The following HDAC9 variants were observed in gnomAD, a reference collection of about 807,000 sequenced individuals.
The protein encoded by HDAC9 is MEF-2 interacting transcription repressor (MITR) protein.
Under a neutral mutation model 139.4 loss-of-function variants are expected in HDAC9, and 41 were observed. The ratio of observed to expected loss-of-function variants is 0.29; its 90% CI spans 0.23 to 0.38. The LOEUF (loss-of-function observed/expected upper bound fraction) is 0.38, where lower values mean the gene tolerates loss of function less well. Ranked by LOEUF, HDAC9 falls within the 10% of genes least tolerant of loss-of-function variation. HDAC9 has a pLI of 1.00. For missense variants in HDAC9, 1,147 were observed against 1,297.0 expected, an observed-to-expected ratio of 0.88 and a Z score of 1.78; for synonymous variants, 517 against 476.2, an observed-to-expected ratio of 1.09 and a Z score of -1.12.
chr7:18,168,581 T>A (rs550143438), intron 2 of HDAC9, among the ~76,000 whole-genome samples: 1 of 152,100 alleles, frequency 6.6e-6, no homozygotes, highest in Non-Finnish European at 1.5e-5. Context: ...TGTGTGTGTG[T>A]GTGTACGTGT....
intron 14 of HDAC9, among the ~76,000 whole-genome samples, chr7:18,750,252 A>G (rs1028045153): frequency 2.0e-5 from 3 of 152,174 alleles, no homozygotes; most frequent in Admixed American, 6.6e-5. Context: ...TTCTATGGAT[A>G]AAAAAATTTT....
chr7:18,911,132 T>C (rs138313499), intron 22 of HDAC9, among the ~76,000 whole-genome samples: 4 of 151,622 alleles, frequency 2.6e-5, no homozygotes, highest in African/African-American at 9.6e-5. Flanking sequence ...TGTTATTTGT[T>C]ATTGGTCTGT....
chr7:18,846,637 A>G (rs1263579480), intron 21 of HDAC9, among the ~76,000 whole-genome samples: 2 of 152,194 alleles, frequency 1.3e-5, no homozygotes, highest in Non-Finnish European at 2.9e-5. Flanking sequence ...CCCTATTTCC[A>G]ACAGTATTCT....
intron 1 of HDAC9, among the ~76,000 whole-genome samples, chr7:18,456,075 C>T (rs1563006183): frequency 6.6e-6 from 1 of 152,132 alleles, no homozygotes. Context: ...TGACATATTA[C>T]ATAAATAGGG....
intron 24 of HDAC9, among the ~76,000 whole-genome samples, chr7:18,964,385 G>T (rs926723505): frequency 6.6e-6 from 1 of 151,956 alleles, no homozygotes; most frequent in Non-Finnish European, 1.5e-5. Flanking sequence ...TTCATAGAAT[G>T]CAGTACGTTC....
intron 2 of HDAC9, among the ~76,000 whole-genome samples, chr7:18,261,611 A>G (rs908361436): frequency 6.6e-6 from 1 of 152,206 alleles, no homozygotes; most frequent in Non-Finnish European, 1.5e-5. Context: ...GTGAGATGCA[A>G]TATAAAGTAC....
intron 16 of HDAC9, among the ~76,000 whole-genome samples, chr7:18,776,659 T>G (rs1790792912): frequency 6.6e-6 from 1 of 151,966 alleles, no homozygotes; most frequent in African/African-American, 2.4e-5. Context: ...CTTGTAGTGT[T>G]GGGGCAGAGA....
intron 21 of HDAC9, among the ~76,000 whole-genome samples, chr7:18,868,997 A>C (rs761686834): frequency 5.3e-5 from 8 of 152,102 alleles, no homozygotes; most frequent in Non-Finnish European, 1.0e-4. Flanking sequence ...GCATCTCTTC[A>C]TTTGTAGCCT....
At chr7:18,274,452 A>G (rs1209743642) in intron 2 of HDAC9, among the ~76,000 whole-genome samples, 1 of 152,138 alleles carries the variant, frequency 6.6e-6, no homozygotes, top group East Asian at 1.9e-4. Context: ...CATTCTTGAA[A>G]GGCCAAGAAC....
chr7:18,796,117 A>T (rs1436625907), intron 17 of HDAC9, among the ~76,000 whole-genome samples: 1 of 152,208 alleles, frequency 6.6e-6, no homozygotes, highest in Admixed American at 6.5e-5. Context: ...GATTGCACTA[A>T]TTTTTCTTGG....
rs1036351674 is a variant in HDAC9 at position 18,829,040 on chromosome 7, G to C, written c.2323-121G>C. 9.3e-6 allele frequency: 7 copies of C among 750,520 alleles called. No homozygotes were observed. In the East Asian group the frequency reaches 1.2e-4, roughly 13 times the overall value. The allele number at this position is 750,520 out of a possible 1,614,324, so 46.5% of individuals were successfully genotyped here. On this transcript the variant is annotated intron_variant, in intron 17 of 25. Coordinates refer to ENST00000686413, the MANE Select transcript of HDAC9 (RefSeq NM_178425.4). The stretch of plus-strand genomic sequence containing the variant: ...GGGGAACAAAAACAATCTCGGAAGC[G>C]TATGAGACTTCAGTTTTGTGTGTGT...
At chr7:18,604,591 G>A (rs1032301085) in intron 6 of HDAC9, among the ~76,000 whole-genome samples, 19 of 151,498 alleles carry the variant, frequency 1.3e-4, no homozygotes, top group Non-Finnish European at 1.6e-4. Context: ...TAGTAGAGAC[G>A]GGTTTCACCA....
At chr7:18,963,546 G>C (rs1783662880) in intron 24 of HDAC9, among the ~76,000 whole-genome samples, 1 of 152,172 alleles carries the variant, frequency 6.6e-6, no homozygotes, top group African/African-American at 2.4e-5. Context: ...AGACTTATTT[G>C]TGGAGTTAAA....
chr7:18,331,699 C>G (rs527595267), intron 1 of HDAC9, among the ~76,000 whole-genome samples: 15 of 151,684 alleles, frequency 9.9e-5, no homozygotes, highest in African/African-American at 3.6e-4. Flanking sequence ...TAATGATTAT[C>G]TTAAGTATAC....
intron 22 of HDAC9, among the ~76,000 whole-genome samples, chr7:18,894,880 C>T (rs547729392): frequency 2.0e-5 from 3 of 152,176 alleles, no homozygotes; most frequent in Non-Finnish European, 4.4e-5. Flanking sequence ...AATTTATCCA[C>T]AGGAGCAGTT....
chr7:18,392,313 T>TCACACACACA (rs772738821), intron 1 of HDAC9, among the ~76,000 whole-genome samples: 39 of 111,224 alleles, frequency 3.5e-4, no homozygotes, highest in African/African-American at 1.3e-3. Flanking sequence ...TCTCTCTCTC[T>TCACACACACA]CTCACACACA....
At chr7:18,854,646 C>G (rs1160476113) in intron 21 of HDAC9, among the ~76,000 whole-genome samples, 1 of 151,376 alleles carries the variant, frequency 6.6e-6, no homozygotes, top group Non-Finnish European at 1.5e-5. Context: ...CTACTCTAGT[C>G]TAGTATGGGA....
At chr7:18,325,987 A>G (rs930330283) in intron 1 of HDAC9, among the ~76,000 whole-genome samples, 3 of 152,082 alleles carry the variant, frequency 2.0e-5, no homozygotes, top group Non-Finnish European at 4.4e-5. Flanking sequence ...CTTAGAATGT[A>G]TCTCTGTTGT....
At chr7:18,989,338 G>T (rs531550009) in intron 25 of HDAC9, among the ~76,000 whole-genome samples, 10 of 151,606 alleles carry the variant, frequency 6.6e-5, no homozygotes, top group African/African-American at 2.4e-4. Context: ...AGTTTGGCTG[G>T]ATATGAAATT....
Sources: gnomAD v4.1 joint callset for allele counts (sites outside exome capture counted in the v4.1 genomes callset) on GRCh38, gnomAD v4.1.1 for gene constraint, MANE v1.5 for transcripts, NCBI Gene and HGNC (gene_info 2026-07-23, HGNC 2026-07-21) for gene names.